The following SSBP2 variants were observed in gnomAD, a reference collection of about 807,000 sequenced individuals.
SSBP2 encodes single stranded DNA binding protein 2.
A neutral mutation model predicts 61.8 loss-of-function variants in SSBP2; 17 were observed. The ratio of observed to expected loss-of-function variants is 0.28; its 90% CI spans 0.19 to 0.41. The LOEUF is 0.41. Ranked by LOEUF, SSBP2 falls within the 10% of genes least tolerant of loss-of-function variation. The pLI is 1.00. For missense variants in SSBP2, 310 were observed against 458.7 expected, an observed-to-expected ratio of 0.68 and a Z score of 2.96; for synonymous variants, 139 against 141.3, an observed-to-expected ratio of 0.98 and a Z score of 0.12.
chr5:81,531,841 T>C (rs1011973624), intron 4 of SSBP2, among the ~76,000 whole-genome samples: 3 of 152,030 alleles, frequency 2.0e-5, no homozygotes, highest in Non-Finnish European at 4.4e-5. Context: ...GCAAGAGGTA[T>C]GCTAGGAAAG....
At chr5:81,439,907 A>G (rs35224297) in intron 14 of SSBP2, among the ~76,000 whole-genome samples, 69,161 of 151,258 alleles carry the variant, frequency 0.46, 19,355 homozygotes, top group African/African-American at 0.8. Flanking sequence ...TCCTGACCTC[A>G]TGATCTGCCT....
intron 6 of SSBP2, among the ~76,000 whole-genome samples, chr5:81,486,786 G>C (rs1372490560): frequency 6.6e-6 from 1 of 152,136 alleles, no homozygotes; most frequent in Non-Finnish European, 1.5e-5. Context: ...CCGATGTACT[G>C]AATTCAGATT....
At chr5:81,486,507 A>C (rs1766391317) in intron 6 of SSBP2, among the ~76,000 whole-genome samples, 1 of 152,180 alleles carries the variant, frequency 6.6e-6, no homozygotes, top group African/African-American at 2.4e-5. Context: ...CTAGAATTTC[A>C]CATTTCCCTA....
chr5:81,595,521 T>G (rs920244484), intron 4 of SSBP2, among the ~76,000 whole-genome samples: 17 of 152,144 alleles, frequency 1.1e-4, no homozygotes, highest in Non-Finnish European at 1.8e-4. Context: ...TACCAAAGCC[T>G]CGCAGAGACA....
intron 2 of SSBP2, among the ~76,000 whole-genome samples, chr5:81,639,041 A>T (rs749531879): frequency 7.2e-5 from 11 of 152,098 alleles, no homozygotes; most frequent in Non-Finnish European, 7.4e-5. Flanking sequence ...CAGGATCTTA[A>T]GGCACAAAAA....
At chr5:81,739,113 C>T (rs73139654) in intron 1 of SSBP2, among the ~76,000 whole-genome samples, 20,491 of 131,488 alleles carry the variant, frequency 0.16, 2,193 homozygotes, top group East Asian at 0.51. Context: ...TTCGGTGAGC[C>T]GAGATCATAC....
intron 6 of SSBP2, among the ~76,000 whole-genome samples, chr5:81,486,728 T>C (rs2154046092): frequency 6.6e-6 from 1 of 152,338 alleles, no homozygotes; most frequent in South Asian, 2.1e-4. Context: ...TTGTAACCCT[T>C]GGCATCTGTG....
intron 1 of SSBP2, among the ~76,000 whole-genome samples, chr5:81,656,070 G>A (rs972245171): frequency 1.3e-5 from 2 of 151,954 alleles, no homozygotes; most frequent in Non-Finnish European, 1.5e-5. Flanking sequence ...TTTATGAGAC[G>A]GAGTCTTGCT....
In SSBP2 at chr5:81,415,239, C is replaced by T. The variant is rs1761259606; in HGVS notation, c.*5265G>A. ...CCCTCCCATACTATACATTCACTGG[C>T]CACTTGTATCGATTAATGTTTTCAA... On this transcript the variant is annotated 3_prime_UTR_variant, in exon 17 of 17. Coordinates refer to ENST00000320672, the MANE Select transcript of SSBP2 (RefSeq NM_012446.5). 1 of 152,194 alleles carries T rather than the reference C, an allele frequency of 6.6e-6. No homozygotes were observed. Among genetic ancestry groups the T allele is most frequent in the Non-Finnish European group, 1.5e-5 (1 of 68,038 alleles). 9.4% of individuals were successfully genotyped at this position (152,194 alleles called of 1,614,324 possible).
intron 4 of SSBP2, among the ~76,000 whole-genome samples, chr5:81,554,434 T>C (rs1365739506): frequency 6.6e-6 from 1 of 150,538 alleles, no homozygotes; most frequent in Non-Finnish European, 1.5e-5. Flanking sequence ...AAATATATAA[T>C]TATATTTATT....
intron 1 of SSBP2, among the ~76,000 whole-genome samples, chr5:81,703,592 A>G (rs1031126471): frequency 6.6e-6 from 1 of 152,196 alleles, no homozygotes; most frequent in African/African-American, 2.4e-5. Context: ...AAAAAAAGAA[A>G]AAAGTCAAAA....
At chr5:81,505,712 T>C (rs1342527187) in intron 5 of SSBP2, among the ~76,000 whole-genome samples, 2 of 152,218 alleles carry the variant, frequency 1.3e-5, no homozygotes, top group African/African-American at 4.8e-5. Flanking sequence ...TTATCTCAGA[T>C]GTGATTTTAA....
chr5:81,676,941 G>A (rs1752032102), intron 1 of SSBP2, among the ~76,000 whole-genome samples: 1 of 152,108 alleles, frequency 6.6e-6, no homozygotes, highest in Non-Finnish European at 1.5e-5. Flanking sequence ...AGGAAGCCTG[G>A]CTCTTTAGTC....
intron 1 of SSBP2, among the ~76,000 whole-genome samples, chr5:81,728,153 T>A (rs1756015638): frequency 6.8e-6 from 1 of 147,586 alleles, no homozygotes; most frequent in African/African-American, 2.4e-5. Flanking sequence ...TAAGTTTTAT[T>A]CTAAAGGTAA....
At chr5:81,587,395 A>G (rs1403381693) in intron 4 of SSBP2, among the ~76,000 whole-genome samples, 1 of 152,206 alleles carries the variant, frequency 6.6e-6, no homozygotes, top group Non-Finnish European at 1.5e-5. Context: ...CAAATTTAGA[A>G]AAGAAGTTAA....
At chr5:81,717,424 T>C (rs983447953) in intron 1 of SSBP2, among the ~76,000 whole-genome samples, 1 of 152,146 alleles carries the variant, frequency 6.6e-6, no homozygotes, top group African/African-American at 2.4e-5. Context: ...AGTAATAAGG[T>C]CCTTTGCCTC....
chr5:81,557,473 CTAAGTA>C (rs1348810915), intron 4 of SSBP2, among the ~76,000 whole-genome samples: 2 of 152,204 alleles, frequency 1.3e-5, no homozygotes, highest in East Asian at 3.9e-4. Context: ...GATTCTAATT[CTAAGTA>C]TATTAGGCTT....
chr5:81,519,463 A>G, intron 4 of SSBP2, among the ~76,000 whole-genome samples: 1 of 152,154 alleles, frequency 6.6e-6, no homozygotes, highest in Non-Finnish European at 1.5e-5. Context: ...AGCCAGGCAC[A>G]TGGCATCCCA....
chr5:81,610,068 C>T (rs953625362), intron 4 of SSBP2, among the ~76,000 whole-genome samples: 11 of 152,144 alleles, frequency 7.2e-5, no homozygotes, highest in South Asian at 4.1e-4. Context: ...ACTCAAGAAC[C>T]GCCAAATGCA....
Sources: gnomAD v4.1 joint callset for allele counts (sites outside exome capture counted in the v4.1 genomes callset) on GRCh38, gnomAD v4.1.1 for gene constraint, MANE v1.5 for transcripts, NCBI Gene and HGNC (gene_info 2026-07-23, HGNC 2026-07-21) for gene names.